The following AKAP6 variants were observed in gnomAD, a reference collection of about 807,000 sequenced individuals.
The protein encoded by AKAP6 is A-kinase anchoring protein 6.
In AKAP6, 58 loss-of-function variants were observed where a neutral mutation model predicts 188.5. That is an observed-to-expected ratio of 0.31 (90% CI 0.25 to 0.38). The LOEUF (loss-of-function observed/expected upper bound fraction) is 0.38. Ranked by LOEUF, AKAP6 falls within the 10% of genes least tolerant of loss-of-function variation. The pLI is 1.00. For synonymous variants in AKAP6, 989 were observed against 998.6 expected (o/e 0.99, Z 0.18); for missense variants, 2,710 against 2,740.0 (o/e 0.99, Z 0.24).
chr14:32,696,126 C>T lies in AKAP6; in HGVS notation c.3000+16C>T, dbSNP rs187307144. 3.0e-5 allele frequency: 47 copies of T among 1,582,686 alleles called. No individual in the cohort carries two copies. The Admixed American group carries it at 8.7e-4, about 29-fold the overall frequency. ...TCTTTACAAGGTTAGAGCTACCCTT[C>T]CTGCCTTTACCTTGCTGTGGAAGAT... On this transcript the variant is annotated intron_variant, in intron 9 of 13. Coordinates refer to ENST00000280979, the MANE Select transcript of AKAP6 (RefSeq NM_004274.5).
chr14:32,717,283 C>T (rs1017153778), intron 9 of AKAP6, among the ~76,000 whole-genome samples: 6 of 152,234 alleles, frequency 3.9e-5, no homozygotes, highest in African/African-American at 1.4e-4. Flanking sequence ...CTAATATCCT[C>T]TTAATGAATT....
chr14:32,671,113 G>A (rs1889173068), intron 7 of AKAP6, among the ~76,000 whole-genome samples: 1 of 152,172 alleles, frequency 6.6e-6, no homozygotes, highest in African/African-American at 2.4e-5. Context: ...AGAGGATAGG[G>A]ATTTCTAGGG....
At chr14:32,487,044 C>G (rs1281844796) in intron 2 of AKAP6, among the ~76,000 whole-genome samples, 1 of 152,120 alleles carries the variant, frequency 6.6e-6, no homozygotes, top group Admixed American at 6.5e-5. Flanking sequence ...TGAATTTTAT[C>G]CCAGGCCTTT....
rs547116379 is a variant in AKAP6 at position 32,557,243 on chromosome 14, T to G, written c.2346+10244T>G. ...CTGGGACTACAGGTACACACCATCA[T>G]GCCTGGATAATTTTCATATTAATTT... On this transcript the variant is annotated intron_variant, in intron 4 of 13. Transcript: ENST00000280979. Among the ~76,000 whole-genome samples the G allele has an allele frequency of 4.3e-4, 66 of 152,220 alleles. 1 individual carries two copies. Among genetic ancestry groups the G allele is most frequent in the African/African-American group, 1.6e-3 (65 of 41,534 alleles).
At chr14:32,536,430 A>G (rs1056805357) in intron 3 of AKAP6, among the ~76,000 whole-genome samples, 3 of 152,226 alleles carry the variant, frequency 2.0e-5, no homozygotes, top group East Asian at 3.8e-4. Context: ...TGCCAGTAGC[A>G]CTGGAGCAAA....
At chr14:32,359,576 TC>T (rs1355361656) in intron 1 of AKAP6, among the ~76,000 whole-genome samples, 1 of 151,604 alleles carries the variant, frequency 6.6e-6, no homozygotes, top group Non-Finnish European at 1.5e-5. Flanking sequence ...TTTTTTTTTT[TC>T]ATTAATACCC....
intron 12 of AKAP6, among the ~76,000 whole-genome samples, chr14:32,814,578 C>T (rs1238119626): frequency 6.6e-6 from 1 of 152,170 alleles, no homozygotes; most frequent in Non-Finnish European, 1.5e-5. Context: ...TGAGAGTTTG[C>T]ACCAGTTGAA....
intron 7 of AKAP6, among the ~76,000 whole-genome samples, chr14:32,648,819 T>C (rs1306240079): frequency 6.6e-6 from 1 of 152,122 alleles, no homozygotes; most frequent in Non-Finnish European, 1.5e-5. Context: ...AATTAAGCTC[T>C]AGCTCTCCTT....
intron 11 of AKAP6, among the ~76,000 whole-genome samples, chr14:32,736,294 C>T (rs981581717): frequency 1.1e-4 from 16 of 151,974 alleles, no homozygotes; most frequent in Non-Finnish European, 1.9e-4. Context: ...TTACTGCTAA[C>T]AAAAGGAAAC....
rs968734929 is a variant in AKAP6 at position 32,720,223 on chromosome 14, T to G, written c.3001-12231T>G. ...ATATTCAAGATACTCTGTGGTCAAC[T>G]AAAGAAGACATAGCCACCATCTTTT... On this transcript the variant is annotated intron_variant, in intron 9 of 13. Transcript: ENST00000280979. 3.3e-5 allele frequency among the ~76,000 whole-genome samples: 5 copies of G among 152,222 alleles called. No individual in the cohort carries two copies. In the South Asian group the frequency reaches 8.3e-4, roughly 25 times the overall value.
chr14:32,482,188 A>G (rs775015552), intron 2 of AKAP6, among the ~76,000 whole-genome samples: 1 of 152,144 alleles, frequency 6.6e-6, no homozygotes, highest in Non-Finnish European at 1.5e-5. Flanking sequence ...CAGGAAGACA[A>G]CCTGTGACAT....
intron 5 of AKAP6, among the ~76,000 whole-genome samples, chr14:32,592,973 C>T (rs188920729): frequency 4.5e-4 from 67 of 147,616 alleles, no homozygotes; most frequent in Non-Finnish European, 1.5e-5. Flanking sequence ...CAGCTGACTG[C>T]AATTCCTTGT....
chr14:32,575,542 G>A lies in AKAP6; in HGVS notation c.2347-1578G>A, dbSNP rs2139260127. On this transcript the variant is annotated intron_variant, in intron 4 of 13. Transcript: ENST00000280979. ...CATATAGTTCCCAGCTCAGCCAATT[G>A]CAATTGTGTAGGTCTCAGTTTGTGA... is the stretch of plus-strand genomic sequence containing the variant. Among the ~76,000 whole-genome samples the A allele has an allele frequency of 2.0e-5, 3 of 152,228 alleles. 1 individual carries two copies. The Middle Eastern group carries it at 0.01, about 518-fold the overall frequency.
intron 11 of AKAP6, among the ~76,000 whole-genome samples, chr14:32,739,057 A>G (rs183131392): frequency 1.3e-5 from 2 of 152,252 alleles, no homozygotes; most frequent in Non-Finnish European, 2.9e-5. Context: ...AGACCATGCT[A>G]CAATTGCATT....
Position 32,821,532 on chromosome 14 carries a change from A to G in AKAP6, c.3719A>G (p.Gln1240Arg). 6.2e-7 allele frequency: 1 copy of G among 1,613,822 alleles called. No individual in the cohort carries two copies. The highest frequency in any genetic ancestry group is 8.5e-7 in the Non-Finnish European group (1 of 1,179,848). ...SLNEESNDLD[Q>R]ELQPVIPSLK... ...AATGAGGAATCAAATGACCTTGATC[A>G]AGAACTCCAACCTGTTATCCCTTCC... Residue 1240 changes from glutamine (Q) to arginine (R), a missense_variant, in exon 13 of 14, where the codon CAA becomes CGA. Around this residue, in one of 2 missense-constraint regions of AKAP6, gnomAD observed 2,473 missense variants for 2,426.1 expected, o/e 1.02. Coordinates refer to ENST00000280979, the MANE Select transcript of AKAP6 (RefSeq NM_004274.5).
intron 12 of AKAP6, among the ~76,000 whole-genome samples, chr14:32,816,651 G>A (rs17099578): frequency 0.22 from 32,693 of 152,020 alleles, 3,797 homozygotes; most frequent in East Asian, 0.35. Flanking sequence ...GTTTAAATTG[G>A]TTCATCTATA....
At chr14:32,717,600 G>C (rs1308612862) in intron 9 of AKAP6, among the ~76,000 whole-genome samples, 4 of 136,470 alleles carry the variant, frequency 2.9e-5, no homozygotes, top group African/African-American at 1.2e-4. Flanking sequence ...TATCACTCTT[G>C]TCTCTTATCA....
chr14:32,572,998 G>A (rs117391571), intron 4 of AKAP6, among the ~76,000 whole-genome samples: 33 of 152,224 alleles, frequency 2.2e-4, no homozygotes, highest in Non-Finnish European at 4.3e-4. Flanking sequence ...GTATAAAATA[G>A]GAGCATGACA....
chr14:32,606,238 A>G (rs1034853125), intron 7 of AKAP6, among the ~76,000 whole-genome samples: 1 of 152,138 alleles, frequency 6.6e-6, no homozygotes, highest in African/African-American at 2.4e-5. Flanking sequence ...ATCACTTCAG[A>G]TTAGGCTTTC....
Sources: gnomAD v4.1 joint callset for allele counts (sites outside exome capture counted in the v4.1 genomes callset) on GRCh38, gnomAD v4.1.1 for gene constraint, gnomAD v4.1.1 regional missense constraint, MANE v1.5 for transcripts, NCBI Gene and HGNC (gene_info 2026-07-23, HGNC 2026-07-21) for gene names.